Variants in LARGE1 observed in about 807,000 individuals in gnomAD.
LARGE1 encodes the protein LARGE xylosyl- and glucuronyltransferase 1.
LARGE1 carries 43 observed loss-of-function variants against 87.6 expected under a neutral mutation model. The ratio of observed to expected loss-of-function variants is 0.49; its 90% CI spans 0.38 to 0.63. The LOEUF (loss-of-function observed/expected upper bound fraction) is 0.63, where lower values mean the gene tolerates loss of function less well. Ranked by LOEUF, LARGE1 falls within the 30% of genes least tolerant of loss-of-function variation. LARGE1 has a pLI of 0.00. For missense variants in LARGE1, 802 were observed against 1,000.2 expected (o/e 0.80, Z 2.67); for synonymous variants, 434 against 394.6 (o/e 1.10, Z -1.18).
intron 11 of LARGE1, among the ~76,000 whole-genome samples, chr22:33,194,534 G>C (rs1369132384): frequency 6.6e-6 from 1 of 152,076 alleles, no homozygotes; most frequent in Non-Finnish European, 1.5e-5. Flanking sequence ...TAATGTCTGG[G>C]TTATATGAAA....
the LARGE1 span, among the ~76,000 whole-genome samples, chr22:33,100,062 G>A: frequency 3.9e-5 from 6 of 152,256 alleles, no homozygotes; most frequent in African/African-American, 1.2e-4. Flanking sequence ...TTGGCCAGTC[G>A]TGGTGGCTTA....
At chr22:33,657,670 TCC>T (rs769613094) in intron 2 of LARGE1, among the ~76,000 whole-genome samples, 5 of 151,922 alleles carry the variant, frequency 3.3e-5, no homozygotes, top group Non-Finnish European at 7.4e-5. Flanking sequence ...CCTGGGCTAG[TCC>T]CCCTGCCTCT....
At chr22:33,593,325 G>A (rs554221510) in intron 5 of LARGE1, among the ~76,000 whole-genome samples, 4 of 152,188 alleles carry the variant, frequency 2.6e-5, no homozygotes, top group Non-Finnish European at 5.9e-5. Flanking sequence ...TTACAGGCGT[G>A]AGCCACTGCA....
At chr22:33,720,079 TTATTTC>T (rs1369298531) in intron 2 of LARGE1, among the ~76,000 whole-genome samples, 1 of 152,172 alleles carries the variant, frequency 6.6e-6, no homozygotes, top group African/African-American at 2.4e-5. Flanking sequence ...ATTGTGTACT[TTATTTC>T]TATTATTATT....
intron 6 of LARGE1, among the ~76,000 whole-genome samples, chr22:33,450,172 A>G (rs2147906865): frequency 6.6e-6 from 1 of 151,894 alleles, no homozygotes; most frequent in Admixed American, 6.6e-5. Context: ...TCCACCTCCC[A>G]AAGTGCTGGG....
At chr22:33,685,773 G>A (rs2081925526) in intron 2 of LARGE1, among the ~76,000 whole-genome samples, 2 of 152,288 alleles carry the variant, frequency 1.3e-5, no homozygotes, top group East Asian at 3.9e-4. Flanking sequence ...CTATAGGTCT[G>A]GGAGACACAT....
Position 33,496,159 on chromosome 22 carries a change from C to G in LARGE1, c.788-63894G>C, listed in dbSNP as rs565661710. Among the ~76,000 whole-genome samples the G allele has an allele frequency of 2.2e-3, 330 of 152,276 alleles. 1 individual carries two copies. Among genetic ancestry groups the G allele is most frequent in the Non-Finnish European group, 3.8e-3 (257 of 68,022 alleles). ...GAAAGATGGAGGCCAGAAGACTAAA[C>G]TAGTCTAGTCTTTCCACGTTCTTCT... On this transcript the variant is annotated intron_variant, in intron 6 of 14. Coordinates refer to ENST00000397394, the MANE Select transcript of LARGE1 (RefSeq NM_133642.5).
At chr22:33,614,398 C>T (rs1376001483) in intron 4 of LARGE1, among the ~76,000 whole-genome samples, 1 of 152,184 alleles carries the variant, frequency 6.6e-6, no homozygotes, top group East Asian at 1.9e-4. Context: ...GATATATCCT[C>T]TAGCCCCTAA....
At chr22:33,208,966 T>C (rs1021262450) in intron 11 of LARGE1, among the ~76,000 whole-genome samples, 6 of 152,258 alleles carry the variant, frequency 3.9e-5, no homozygotes, top group Non-Finnish European at 5.9e-5. Context: ...TTATCCAGTC[T>C]ATCATTGATG....
intron 7 of LARGE1, among the ~76,000 whole-genome samples, chr22:33,401,552 A>AT (rs1210972618): frequency 6.6e-6 from 1 of 152,116 alleles, no homozygotes; most frequent in Non-Finnish European, 1.5e-5. Flanking sequence ...AGTGGTAGCC[A>AT]TTTTTTTAGT....
In LARGE1 at chr22:33,761,551, A is replaced by G. The variant is rs894386208; in HGVS notation, c.-75T>C. 8.7e-7 allele frequency: 1 copy of G among 1,145,468 alleles called. No homozygotes were observed. Among genetic ancestry groups the G allele is most frequent in the African/African-American group, 1.5e-5 (1 of 65,968 alleles). 71.0% of individuals were successfully genotyped at this position (1,145,468 alleles called of 1,614,324 possible). ...GCATGAAGTCCTCGGCCTCCCTCAT[A>G]ATACTCTCTGAAAGGAAGAGCAAAG... On this transcript the variant is annotated 5_prime_UTR_variant, in exon 2 of 15. Coordinates refer to ENST00000397394, the MANE Select transcript of LARGE1 (RefSeq NM_133642.5).
At chr22:33,401,089 G>A (rs552209155) in intron 7 of LARGE1, among the ~76,000 whole-genome samples, 2 of 152,130 alleles carry the variant, frequency 1.3e-5, no homozygotes, top group Middle Eastern at 6.8e-3. Context: ...CATGTGGGTG[G>A]GCAACGTTCC....
the LARGE1 span, among the ~76,000 whole-genome samples, chr22:33,132,251 A>C: frequency 6.6e-6 from 1 of 152,008 alleles, no homozygotes; most frequent in Non-Finnish European, 1.5e-5. Context: ...TGGCACAATC[A>C]CAGCTTATTG....
chr22:33,538,444 A>G (rs2077099092), intron 6 of LARGE1, among the ~76,000 whole-genome samples: 1 of 152,196 alleles, frequency 6.6e-6, no homozygotes, highest in African/African-American at 2.4e-5. Flanking sequence ...ATTTCCATAC[A>G]TATTTCTGAG....
intron 1 of LARGE1, among the ~76,000 whole-genome samples, chr22:33,919,085 CA>C (rs1335953994): frequency 1.4e-5 from 2 of 144,618 alleles, no homozygotes; most frequent in Admixed American, 7.0e-5. Flanking sequence ...TCAACCGAGG[CA>C]CATCAGCACA....
chr22:33,832,126 C>T (rs939208488), intron 1 of LARGE1, among the ~76,000 whole-genome samples: 6 of 152,168 alleles, frequency 3.9e-5, no homozygotes, highest in Non-Finnish European at 1.5e-5. Context: ...CCCATAATAC[C>T]GTGCTTTTCT....
chr22:33,786,976 G>C (rs1426062598), intron 1 of LARGE1, among the ~76,000 whole-genome samples: 3 of 149,406 alleles, frequency 2.0e-5, no homozygotes, highest in Non-Finnish European at 3.0e-5. Context: ...AGGCGAAATT[G>C]TGCCACTGCA....
intron 2 of LARGE1, among the ~76,000 whole-genome samples, chr22:33,742,558 T>C (rs1459669220): frequency 2.0e-5 from 3 of 152,192 alleles, no homozygotes; most frequent in East Asian, 1.9e-4. Context: ...TCCAAGGCCA[T>C]GTAGCCAGCA....
intron 1 of LARGE1, among the ~76,000 whole-genome samples, chr22:33,772,670 G>T (rs2085107512): frequency 6.6e-6 from 1 of 152,014 alleles, no homozygotes; most frequent in Non-Finnish European, 1.5e-5. Context: ...TCACCGTGCT[G>T]CGGTCATTTT....
Sources: allele counts gnomAD v4.1 joint callset (sites outside exome capture counted in the v4.1 genomes callset), GRCh38; gene constraint gnomAD v4.1.1; transcripts MANE v1.5; gene names NCBI Gene and HGNC (gene_info 2026-07-23, HGNC 2026-07-21).